Variants in CDH13 observed in about 807,000 individuals in gnomAD.
The protein encoded by CDH13 is cadherin 13.
A neutral mutation model predicts 63.8 loss-of-function variants in CDH13; 24 were observed. The observed-to-expected ratio is 0.38, with a 90% confidence interval of 0.27 to 0.53. The LOEUF (loss-of-function observed/expected upper bound fraction) is 0.53. Ranked by LOEUF, CDH13 falls within the 20% of genes least tolerant of loss-of-function variation. The probability of loss-of-function intolerance (pLI) is 0.85; values close to 1 mark genes in which losing one functional copy is unlikely to be tolerated. For synonymous variants in CDH13, 503 were observed against 355.3 expected (o/e 1.42, Z -4.67); for missense variants, 1,049 against 903.1 (o/e 1.16, Z -2.07).
At chr16:83,529,438 C>G (rs186447589) in intron 7 of CDH13, among the ~76,000 whole-genome samples, 12 of 152,242 alleles carry the variant, frequency 7.9e-5, no homozygotes, top group Middle Eastern at 3.4e-3. Flanking sequence ...AAGGTTAGAT[C>G]TCCATTCACA....
intron 4 of CDH13, among the ~76,000 whole-genome samples, chr16:83,148,752 T>G (rs1347866135): frequency 6.6e-6 from 1 of 152,204 alleles, no homozygotes; most frequent in African/African-American, 2.4e-5. Flanking sequence ...ATGGCACTTT[T>G]GAAGATGCAG....
At chr16:83,734,594 A>C in intron 10 of CDH13, among the ~76,000 whole-genome samples, 2 of 140,630 alleles carry the variant, frequency 1.4e-5, no homozygotes, top group East Asian at 2.5e-4. Flanking sequence ...GGGTGGGGGA[A>C]GGGGGGAGGG....
At chr16:82,935,058 T>A (rs1318699506) in intron 2 of CDH13, among the ~76,000 whole-genome samples, 3 of 152,182 alleles carry the variant, frequency 2.0e-5, no homozygotes, top group African/African-American at 7.2e-5. Context: ...TAGTCTATTC[T>A]CACACTGCTA....
At chr16:82,795,749 A>G (rs35311202) in intron 1 of CDH13, among the ~76,000 whole-genome samples, 56,918 of 151,684 alleles carry the variant, frequency 0.38, 10,896 homozygotes, top group African/African-American at 0.43. Context: ...GACGTCCACC[A>G]GGAAGAAAAC....
intron 2 of CDH13, chr16:82,953,173 C>G (rs1905540452): frequency 6.6e-6 from 1 of 152,138 alleles, no homozygotes. Flanking sequence ...GTAATCCAAC[C>G]TCTCTTAGAT....
intron 2 of CDH13, among the ~76,000 whole-genome samples, chr16:82,921,438 C>T (rs2042150865): frequency 6.6e-6 from 1 of 152,196 alleles, no homozygotes; most frequent in Admixed American, 6.5e-5. Flanking sequence ...GAATCTCCTT[C>T]TCAATTCCAT....
At chr16:83,659,633 G>C (rs1913256517) in intron 8 of CDH13, among the ~76,000 whole-genome samples, 1 of 152,178 alleles carries the variant, frequency 6.6e-6, no homozygotes, top group African/African-American at 2.4e-5. Flanking sequence ...TAGTGGGTTT[G>C]TTTTAAGGCT....
intron 4 of CDH13, among the ~76,000 whole-genome samples, chr16:83,136,890 C>T (rs2036314257): frequency 6.6e-6 from 1 of 152,202 alleles, no homozygotes; most frequent in Admixed American, 6.5e-5. Flanking sequence ...GGCTGGAAGC[C>T]TTGAGTTGGA....
At chr16:83,742,657 A>C (rs1216247295) in intron 10 of CDH13, among the ~76,000 whole-genome samples, 1 of 152,210 alleles carries the variant, frequency 6.6e-6, no homozygotes, top group Non-Finnish European at 1.5e-5. Context: ...AAGCGCACGG[A>C]AGCCAGGAAG....
chr16:82,868,931 C>A (rs888392736), intron 2 of CDH13, among the ~76,000 whole-genome samples: 5 of 152,168 alleles, frequency 3.3e-5, no homozygotes, highest in African/African-American at 1.2e-4. Context: ...AACAAAAAAA[C>A]TCACTGTGGT....
chr16:83,484,106 A>C (rs1229907730), intron 6 of CDH13, among the ~76,000 whole-genome samples: 3 of 152,190 alleles, frequency 2.0e-5, no homozygotes, highest in Admixed American at 2.0e-4. Flanking sequence ...AAATCAATCC[A>C]ACCTTGAGGG....
chr16:82,741,142 C>G (rs192065199), intron 1 of CDH13, among the ~76,000 whole-genome samples: 2 of 152,300 alleles, frequency 1.3e-5, no homozygotes, highest in Admixed American at 6.5e-5. Flanking sequence ...AAAACTTGTC[C>G]TGTTCATTCT....
chr16:83,313,525 C>A (rs773486258), intron 5 of CDH13, among the ~76,000 whole-genome samples: 2 of 151,764 alleles, frequency 1.3e-5, no homozygotes, highest in Non-Finnish European at 2.9e-5. Context: ...TAGAGTGTGT[C>A]TGCCATTTTT....
intron 2 of CDH13, among the ~76,000 whole-genome samples, chr16:82,877,796 ATT>A (rs76873049): frequency 0.011 from 1,569 of 137,872 alleles, 37 homozygotes; most frequent in African/African-American, 0.037. Context: ...ACCTCTATTC[ATT>A]TTTTTTTTTT....
chr16:83,757,984 C>G (rs1280983551), intron 11 of CDH13, among the ~76,000 whole-genome samples: 1 of 151,674 alleles, frequency 6.6e-6, no homozygotes, highest in African/African-American at 2.4e-5. Context: ...CAAAAATTAG[C>G]TGGGTATGGT....
chr16:83,320,209 G>GT (rs1946549753), intron 5 of CDH13, among the ~76,000 whole-genome samples: 1 of 149,268 alleles, frequency 6.7e-6, no homozygotes, highest in Admixed American at 6.7e-5. Flanking sequence ...CTGGATAATT[G>GT]TTCCTTTTTT....
chr16:83,501,801 T>A (rs2074289955), intron 7 of CDH13, among the ~76,000 whole-genome samples: 1 of 152,216 alleles, frequency 6.6e-6, no homozygotes, highest in African/African-American at 2.4e-5. Context: ...CTGACAGATG[T>A]CTCAAGGACA....
rs540360544 is a variant in CDH13, at chr16:83,767,424, T to C, written c.1682-12544T>C. On this transcript the variant is annotated intron_variant, in intron 11 of 13. Transcript: ENST00000567109. ...GCATGAGCTCCCTTGCTTGCTGCCA[T>C]GTAAGTTGTGACTTTGCTTCTCATT... is the stretch of plus-strand genomic sequence containing the variant. 9.2e-5 allele frequency among the ~76,000 whole-genome samples: 14 copies of C among 152,340 alleles called. No homozygotes were observed. The East Asian group carries it at 2.3e-3, about 25-fold the overall frequency.
chr16:82,732,307 T>G (rs1284207625), intron 1 of CDH13, among the ~76,000 whole-genome samples: 1 of 152,126 alleles, frequency 6.6e-6, no homozygotes, highest in African/African-American at 2.4e-5. Flanking sequence ...AGTTTTAGTG[T>G]CAGCTCCATC....
Sources: allele counts gnomAD v4.1 joint callset (sites outside exome capture counted in the v4.1 genomes callset), GRCh38; gene constraint gnomAD v4.1.1; transcripts MANE v1.5; gene names NCBI Gene and HGNC (gene_info 2026-07-23, HGNC 2026-07-21).